CDH13: variants seen among roughly 807,000 people sequenced by gnomAD.
CDH13 encodes cadherin-13.
CDH13 carries 24 observed loss-of-function variants against 63.8 expected under a neutral mutation model. The ratio of observed to expected loss-of-function variants is 0.38; its 90% CI spans 0.27 to 0.53. The LOEUF (loss-of-function observed/expected upper bound fraction) is 0.53, where lower values mean the gene tolerates loss of function less well. CDH13 is among the 20% of genes least tolerant of loss of function. The pLI is 0.85. For synonymous variants in CDH13, 503 were observed against 355.3 expected, an observed-to-expected ratio of 1.42 and a Z score of -4.67; for missense variants, 1,049 against 903.1, an observed-to-expected ratio of 1.16 and a Z score of -2.07.
At chr16:83,394,482 G>C (rs961530623) in intron 6 of CDH13, among the ~76,000 whole-genome samples, 2 of 152,182 alleles carry the variant, frequency 1.3e-5, no homozygotes, top group Non-Finnish European at 2.9e-5. Context: ...TGGAGGAATT[G>C]TAAGGATGTG....
At chr16:82,709,293 T>C (rs1015867062) in intron 1 of CDH13, among the ~76,000 whole-genome samples, 2 of 152,230 alleles carry the variant, frequency 1.3e-5, no homozygotes, top group African/African-American at 4.8e-5. Context: ...AAAAAAATTC[T>C]GAACTTGCAA....
chr16:83,683,143 C>A (rs1407840090), intron 10 of CDH13, among the ~76,000 whole-genome samples: 1 of 152,172 alleles, frequency 6.6e-6, no homozygotes, highest in Non-Finnish European at 1.5e-5. Flanking sequence ...AAGGGGTGTC[C>A]AAACATCAGA....
At chr16:83,343,242 T>C (rs1249333144) in intron 5 of CDH13, among the ~76,000 whole-genome samples, 1 of 152,188 alleles carries the variant, frequency 6.6e-6, no homozygotes, top group African/African-American at 2.4e-5. Context: ...TCAAATTCTA[T>C]CCATATTTGT....
intron 2 of CDH13, among the ~76,000 whole-genome samples, chr16:82,880,750 C>G (rs1400314445): frequency 6.6e-6 from 1 of 152,118 alleles, no homozygotes; most frequent in Admixed American, 6.6e-5. Flanking sequence ...AGTTGGCCAG[C>G]CCTTCATGAC....
chr16:82,937,735 C>T (rs576523536), intron 2 of CDH13, among the ~76,000 whole-genome samples: 6 of 152,176 alleles, frequency 3.9e-5, no homozygotes, highest in Admixed American at 6.6e-5. Flanking sequence ...ATGAATCAAG[C>T]GTCCATAATA....
chr16:83,670,079 G>C (rs746827818), intron 8 of CDH13, among the ~76,000 whole-genome samples: 1 of 152,142 alleles, frequency 6.6e-6, no homozygotes, highest in Admixed American at 6.6e-5. Flanking sequence ...GGTACATCAA[G>C]GCTCCAAACA....
chr16:82,918,721 C>G (rs1597212586), intron 2 of CDH13, among the ~76,000 whole-genome samples: 2 of 152,054 alleles, frequency 1.3e-5, no homozygotes, highest in Admixed American at 6.6e-5. Flanking sequence ...GTTGGCCAGG[C>G]TGGTCTTGAA....
intron 8 of CDH13, among the ~76,000 whole-genome samples, chr16:83,649,437 G>C: frequency 6.6e-6 from 1 of 152,172 alleles, no homozygotes; most frequent in East Asian, 1.9e-4. Flanking sequence ...TGAAGGGAAA[G>C]AGAGGGTGGT....
intron 2 of CDH13, among the ~76,000 whole-genome samples, chr16:82,920,474 G>C (rs1394869686): frequency 1.3e-5 from 2 of 152,198 alleles, no homozygotes; most frequent in Non-Finnish European, 2.9e-5. Context: ...ATACACTGGT[G>C]ATCATGACCT....
intron 6 of CDH13, among the ~76,000 whole-genome samples, chr16:83,358,793 G>T (rs1267540298): frequency 2.6e-5 from 4 of 152,020 alleles, no homozygotes. Flanking sequence ...TTATCTTAGA[G>T]TTCCTTCCAG....
chr16:83,692,775 C>T (rs1031389489), intron 10 of CDH13, among the ~76,000 whole-genome samples: 19 of 152,166 alleles, frequency 1.2e-4, no homozygotes, highest in African/African-American at 4.3e-4. Flanking sequence ...TGGTCTCTTA[C>T]AGCCTTGCAA....
intron 1 of CDH13, among the ~76,000 whole-genome samples, chr16:82,758,693 G>A (rs1162925118): frequency 6.6e-6 from 1 of 152,166 alleles, no homozygotes; most frequent in African/African-American, 2.4e-5. Context: ...GGTAGTAAAT[G>A]TAGGCACTTT....
intron 3 of CDH13, among the ~76,000 whole-genome samples, chr16:83,037,062 C>A (rs893836796): frequency 6.6e-6 from 1 of 152,128 alleles, no homozygotes; most frequent in Admixed American, 6.5e-5. Context: ...GAGAAACAGG[C>A]AGGATAAAAA....
chr16:83,417,797 C>T (rs1046818758), intron 6 of CDH13, among the ~76,000 whole-genome samples: 3 of 152,244 alleles, frequency 2.0e-5, no homozygotes, highest in South Asian at 2.1e-4. Flanking sequence ...TCCAATTGAA[C>T]AAATCCCTCT....
intron 7 of CDH13, among the ~76,000 whole-genome samples, chr16:83,505,197 A>C (rs1170250904): frequency 6.6e-6 from 1 of 152,214 alleles, no homozygotes; most frequent in Non-Finnish European, 1.5e-5. Context: ...CCAGATCCCC[A>C]GGCTTCCCCT....
At chr16:82,945,452 C>G (rs1829556026) in intron 2 of CDH13, among the ~76,000 whole-genome samples, 1 of 152,208 alleles carries the variant, frequency 6.6e-6, no homozygotes, top group Non-Finnish European at 1.5e-5. Context: ...AAACCGAGAG[C>G]TTTCCCTTAC....
At chr16:83,459,676 T>C (rs2073125277) in intron 6 of CDH13, among the ~76,000 whole-genome samples, 1 of 152,222 alleles carries the variant, frequency 6.6e-6, no homozygotes, top group African/African-American at 2.4e-5. Context: ...GATGGTTTCA[T>C]GTAAATGCTA....
intron 2 of CDH13, among the ~76,000 whole-genome samples, chr16:82,980,219 C>T (rs1312541780): frequency 6.6e-6 from 1 of 152,134 alleles, no homozygotes; most frequent in African/African-American, 2.4e-5. Context: ...ATACAGCCAG[C>T]CCTCAGTGAC....
intron 2 of CDH13, among the ~76,000 whole-genome samples, chr16:83,022,179 G>C (rs535523534): frequency 2.4e-4 from 36 of 152,274 alleles, no homozygotes; most frequent in Admixed American, 1.0e-3. Flanking sequence ...GAGTCTGTCT[G>C]ATATTTCTGA....
Sources: allele counts gnomAD v4.1 joint callset (sites outside exome capture counted in the v4.1 genomes callset), GRCh38; gene constraint gnomAD v4.1.1; transcripts MANE v1.5; gene names NCBI Gene and HGNC (gene_info 2026-07-23, HGNC 2026-07-21).